Variants in NBAS observed in about 807,000 individuals in gnomAD.
NBAS encodes NAG/BC035112 fusion.
In NBAS, 219 loss-of-function variants were observed where a neutral mutation model predicts 302.5. The observed-to-expected ratio is 0.72, with a 90% CI of 0.65 to 0.81. The LOEUF (loss-of-function observed/expected upper bound fraction) is 0.81. NBAS is among the 30% of genes least tolerant of loss of function. The pLI is 0.00. For synonymous variants in NBAS, 1,118 were observed against 1,021.6 expected (o/e 1.09, Z -1.80); for missense variants, 2,932 against 2,841.6 (o/e 1.03, Z -0.72).
Position 15,475,752 on chromosome 2 carries a change from A to G in NBAS, c.1276T>C (p.Cys426Arg), listed in dbSNP as rs1680162836. 6.2e-7 allele frequency: 1 copy of G among 1,614,048 alleles called. No individual in the cohort carries two copies. The highest frequency in any genetic ancestry group is 1.3e-5 in the African/African-American group (1 of 74,934). Residue 426 changes from cysteine (C) to arginine (R), a missense_variant, in exon 14 of 52, where the codon TGT becomes CGT. Coordinates refer to ENST00000281513, the MANE Select transcript of NBAS (RefSeq NM_015909.4). ...TGAGGTGATGGTTCAAACCATTCAC[A>G]GGATTTTCCCAGTAAATTCTTCAAA... ...KTLKNLLGKS[C>R]EWFEPSPQVT...
At chr2:15,362,435 G>A (rs1392509936) in intron 32 of NBAS, among the ~76,000 whole-genome samples, 1 of 152,132 alleles carries the variant, frequency 6.6e-6, no homozygotes, top group Non-Finnish European at 1.5e-5. Flanking sequence ...CTGAGCCCAG[G>A]AGTTCAAGAT....
chr2:14,808,606 G>C, the NBAS span, among the ~76,000 whole-genome samples: 60,489 of 152,032 alleles, frequency 0.4, 12,565 homozygotes, highest in African/African-American at 0.51. Flanking sequence ...GTGAGGCTTC[G>C]CCAGCCATGT....
rs199867374 is a variant in NBAS at position 15,356,409 on chromosome 2, G to C, written c.3825C>G (p.Asn1275Lys). 1 of 1,613,180 alleles carries C rather than the reference G, an allele frequency of 6.2e-7. No homozygotes were observed. Among genetic ancestry groups the C allele is most frequent in the Non-Finnish European group, 8.5e-7 (1 of 1,179,266 alleles). The change falls in exon 33 of 52, where the codon AAC (asparagine) becomes AAG (lysine). Residue 1275 changes from asparagine (N) to lysine (K), a missense_variant. Transcript: ENST00000281513. ...LAELLRVAGE[N>K]PEERRGQVLI... ...GAACCTGTCCCCGCCTTTCTTCTGG[G>C]TTCTCACCTGTAAGTCCAAGCAAAG...
At chr2:15,024,360 C>T in the NBAS span, among the ~76,000 whole-genome samples, 3 of 151,762 alleles carry the variant, frequency 2.0e-5, no homozygotes, top group Non-Finnish European at 4.4e-5. Flanking sequence ...ACCACATTTT[C>T]TTTATCCAGT....
At chr2:15,463,922 T>C (rs1002188531) in intron 19 of NBAS, among the ~76,000 whole-genome samples, 1 of 151,910 alleles carries the variant, frequency 6.6e-6, no homozygotes, top group African/African-American at 2.4e-5. Context: ...TAGACACACA[T>C]ACCTAAATAT....
the NBAS span, among the ~76,000 whole-genome samples, chr2:15,105,645 C>T: frequency 1.2e-4 from 19 of 152,132 alleles, no homozygotes; most frequent in African/African-American, 3.1e-4. Context: ...AACAAAAATG[C>T]GTTTCCAATT....
the NBAS span, among the ~76,000 whole-genome samples, chr2:15,057,313 T>TG: frequency 1.4e-4 from 1 of 7,178 alleles, no homozygotes; most frequent in Non-Finnish European, 2.5e-4. Context: ...TACAGAAATT[T>TG]GAAAAAAAAA....
chr2:15,397,557 C>G, intron 26 of NBAS: 2 of 615,872 alleles, frequency 3.2e-6, no homozygotes, highest in South Asian at 2.9e-5. Flanking sequence ...ATTGCACAAC[C>G]CACACAGTAA....
intron 28 of NBAS, among the ~76,000 whole-genome samples, chr2:15,388,929 G>C (rs1675447668): frequency 6.6e-6 from 1 of 151,566 alleles, no homozygotes; most frequent in South Asian, 2.1e-4. Flanking sequence ...AAAAAAAAGA[G>C]GCAAAGTTAA....
intron 50 of NBAS, among the ~76,000 whole-genome samples, chr2:15,182,238 G>A (rs1391163364): frequency 6.6e-6 from 1 of 152,236 alleles, no homozygotes; most frequent in East Asian, 1.9e-4. Context: ...CTACCAGCAA[G>A]GCAGCTGCTC....
the NBAS span, among the ~76,000 whole-genome samples, chr2:14,920,044 AAATCACTATCTATGGC>A: frequency 6.6e-6 from 1 of 152,222 alleles, no homozygotes; most frequent in African/African-American, 2.4e-5. Context: ...CCCATCAGGG[AAATCACTATCTATGGC>A]AGCTATAGCC....
chr2:15,539,855 T>C (rs1396483095), intron 6 of NBAS, among the ~76,000 whole-genome samples: 1 of 150,960 alleles, frequency 6.6e-6, no homozygotes, highest in Non-Finnish European at 1.5e-5. Context: ...TATATATATA[T>C]ATACACACAC....
chr2:14,814,291 C>T, the NBAS span, among the ~76,000 whole-genome samples: 1 of 152,202 alleles, frequency 6.6e-6, no homozygotes, highest in Non-Finnish European at 1.5e-5. Flanking sequence ...ATGGTAGATC[C>T]ACTGACAGTT....
chr2:14,967,805 T>C, the NBAS span, among the ~76,000 whole-genome samples: 1 of 152,196 alleles, frequency 6.6e-6, no homozygotes. Flanking sequence ...AAGTCATGTA[T>C]GGAGTAAGGG....
At chr2:15,179,300 A>C in intron 50 of NBAS, 184 bp from the exon 51 acceptor site, 1 of 798,488 alleles carries the variant, frequency 1.3e-6, no homozygotes, top group Non-Finnish European at 2.0e-6. Context: ...GGTTCACAGT[A>C]AACTGTGTAC....
intron 25 of NBAS, among the ~76,000 whole-genome samples, chr2:15,412,825 C>T (rs1676743871): frequency 6.6e-6 from 1 of 150,810 alleles, no homozygotes; most frequent in African/African-American, 2.4e-5. Context: ...GTAACTATCA[C>T]AAAAAAATTT....
chr2:14,936,583 C>T, the NBAS span, among the ~76,000 whole-genome samples: 17 of 152,188 alleles, frequency 1.1e-4, no homozygotes, highest in East Asian at 1.3e-3. Context: ...TCAAAGGCCA[C>T]TTCTGACCAC....
At chr2:15,095,493 A>C in the NBAS span, among the ~76,000 whole-genome samples, 2 of 152,224 alleles carry the variant, frequency 1.3e-5, no homozygotes, top group East Asian at 3.9e-4. Flanking sequence ...CCATGATTCA[A>C]TTATCTCCCA....
At chr2:15,334,346 C>T (rs933471054) in intron 35 of NBAS, among the ~76,000 whole-genome samples, 4 of 152,068 alleles carry the variant, frequency 2.6e-5, no homozygotes, top group Non-Finnish European at 5.9e-5. Context: ...CCCACCACCA[C>T]GCCCAGCTAA....
Sources: allele counts gnomAD v4.1 joint callset (sites outside exome capture counted in the v4.1 genomes callset), GRCh38; gene constraint gnomAD v4.1.1; transcripts MANE v1.5; gene names NCBI Gene and HGNC (gene_info 2026-07-23, HGNC 2026-07-21).